Variants in PCDHA2 observed in about 807,000 individuals in gnomAD.
PCDHA2 encodes protocadherin alpha 2, also known as protocadherin alpha-2.
Under a neutral mutation model 66.0 loss-of-function variants are expected in PCDHA2, and 58 were observed. That is an observed-to-expected ratio of 0.88 (90% CI 0.71 to 1.09). The LOEUF is 1.09. PCDHA2 is among the 50% of genes least tolerant of loss of function. The pLI, the probability that PCDHA2 is intolerant of heterozygous loss-of-function variation, is 0.00. For synonymous variants in PCDHA2, 634 were observed against 554.0 expected (o/e 1.14, Z -2.03); for missense variants, 1,267 against 1,242.3 (o/e 1.02, Z -0.30).
chr5:140,849,155 C>G (rs1169680334), intron 1 of PCDHA2: 5 of 1,223,436 alleles, frequency 4.1e-6, no homozygotes, highest in Non-Finnish European at 4.5e-6. Context: ...GAGGCAAACC[C>G]GAGCTGACTG....
intron 1 of PCDHA2, chr5:140,862,369 C>G: frequency 2.9e-6 from 1 of 341,442 alleles, no homozygotes; most frequent in South Asian, 2.3e-5. Flanking sequence ...CGACCCGCAC[C>G]CTGACTCCTC....
intron 1 of PCDHA2, chr5:140,829,099 T>C (rs1554131748): frequency 2.5e-6 from 4 of 1,611,442 alleles, no homozygotes; most frequent in Non-Finnish European, 3.4e-6. Context: ...ATTGCACCGT[T>C]TTAGTGAGAA....
At chr5:140,798,664 C>A (rs182647763) in intron 1 of PCDHA2, among the ~76,000 whole-genome samples, 4 of 152,162 alleles carry the variant, frequency 2.6e-5, no homozygotes, top group African/African-American at 9.7e-5. Context: ...TGGAAGCATC[C>A]ATATTCCTAA....
At chr5:140,933,692 C>T (rs2089349269) in intron 1 of PCDHA2, among the ~76,000 whole-genome samples, 1 of 151,798 alleles carries the variant, frequency 6.6e-6, no homozygotes, top group African/African-American at 2.4e-5. Context: ...TTTCCTATTC[C>T]TCGGACACAT....
At position 140,901,836 on chromosome 5, in the gene PCDHA2, G is replaced by A. The variant is rs183480993; in HGVS notation, c.2389-77113G>A. On this transcript the variant is annotated intron_variant, in intron 1 of 3. Coordinates refer to ENST00000526136, the MANE Select transcript of PCDHA2 (RefSeq NM_018905.3). The stretch of plus-strand genomic sequence containing the variant: ...ATTGATTCTTCCAGTCCATAAACAT[G>A]CAATATCTTTCCATTTTTTTGTGTC... 2.6e-3 allele frequency among the ~76,000 whole-genome samples: 395 copies of A among 152,228 alleles called. 2 individuals carry two copies. The highest frequency in any genetic ancestry group is 9.2e-3 in the African/African-American group (384 of 41,554).
rs1554124059 is a variant in PCDHA2 at position 140,807,509 on chromosome 5, G to T, written c.2388+10157G>T. ...CGCGGAGTGCAGCATCCACCTGGAG[G>T]TGATCGTAGACAGGCCGCTGCAGGT... On this transcript the variant is annotated intron_variant, in intron 1 of 3. Transcript: ENST00000526136. 2.5e-6 allele frequency: 4 copies of T among 1,613,908 alleles called. No homozygotes were observed. The Admixed American group carries it at 5.0e-5, about 20-fold the overall frequency.
At position 141,010,104 on chromosome 5, in the gene PCDHA2, T is replaced by G; in HGVS notation, c.*167T>G. ...TGTCTAGAACGCATTTAACAGGTTTTGTCGTAAAAGCTTTACTAAGTCTGG... is the reference window on the plus strand; with the variant it reads ...TGTCTAGAACGCATTTAACAGGTTTGGTCGTAAAAGCTTTACTAAGTCTGG... On this transcript the variant is annotated 3_prime_UTR_variant, in exon 4 of 4. Coordinates refer to ENST00000526136, the MANE Select transcript of PCDHA2 (RefSeq NM_018905.3). 1 of 1,612,408 alleles carries G rather than the reference T, an allele frequency of 6.2e-7. No individual in the cohort carries two copies. Among genetic ancestry groups the G allele is most frequent in the Non-Finnish European group, 8.5e-7 (1 of 1,179,092 alleles).
intron 1 of PCDHA2, chr5:140,857,669 G>T (rs926570494): frequency 5.0e-6 from 8 of 1,596,800 alleles, no homozygotes; most frequent in East Asian, 2.2e-5. Flanking sequence ...CGATGGGGGC[G>T]TGCCGCCTCT....
intron 1 of PCDHA2, chr5:140,825,453 A>G (rs1562282802): frequency 2.0e-5 from 3 of 148,792 alleles, no homozygotes; most frequent in Admixed American, 1.4e-4. Flanking sequence ...TATATATCAG[A>G]TATTTTGATA....
chr5:140,864,404 G>A (rs2048464520), intron 1 of PCDHA2: 1 of 152,228 alleles, frequency 6.6e-6, no homozygotes. Flanking sequence ...GTGATGAGCA[G>A]GGTTGAGGCA....
intron 1 of PCDHA2, among the ~76,000 whole-genome samples, chr5:140,898,648 G>A (rs1436511217): frequency 6.6e-6 from 1 of 152,136 alleles, no homozygotes; most frequent in Non-Finnish European, 1.5e-5. Flanking sequence ...TGTTCTTTTG[G>A]CTTAGGATTG....
chr5:140,884,403 T>C, intron 1 of PCDHA2: 1 of 1,613,992 alleles, frequency 6.2e-7, no homozygotes, highest in African/African-American at 1.3e-5. Context: ...AGCCTGTTGG[T>C]GCTCACGTTG....
chr5:140,822,359 T>G (rs2150115759), intron 1 of PCDHA2: 1 of 1,614,160 alleles, frequency 6.2e-7, no homozygotes, highest in Non-Finnish European at 8.5e-7. Flanking sequence ...GAGCTGGTTT[T>G]GAGGAAATCC....
chr5:140,828,403 C>T (rs2150154987), intron 1 of PCDHA2: 1 of 1,614,256 alleles, frequency 6.2e-7, no homozygotes, highest in South Asian at 1.1e-5. Flanking sequence ...AGTGCAGCAT[C>T]CACCTGGAGG....
At chr5:140,926,879 C>T (rs1554203752) in intron 1 of PCDHA2, 1 of 1,534,362 alleles carries the variant, frequency 6.5e-7, no homozygotes, top group African/African-American at 1.4e-5. Context: ...GGAACGTGGA[C>T]GCCTAGAGGG....
At chr5:140,857,029 A>C in intron 1 of PCDHA2, 1 of 1,596,504 alleles carries the variant, frequency 6.3e-7, no homozygotes, top group South Asian at 1.1e-5. Flanking sequence ...AGGGAAACCC[A>C]CCTATGGTTG....
At chr5:140,833,869 A>G (rs1554133991) in intron 1 of PCDHA2, among the ~76,000 whole-genome samples, 4 of 152,220 alleles carry the variant, frequency 2.6e-5, no homozygotes, top group Non-Finnish European at 5.9e-5. Flanking sequence ...AATCAAGAAT[A>G]TGAAGTTTCC....
rs1231987544 is a variant in PCDHA2 at position 140,807,292 on chromosome 5, C to G, written c.2388+9940C>G. The G allele has an allele frequency of 1.9e-6, 3 of 1,614,116 alleles. No homozygotes were observed. In the East Asian group the frequency reaches 6.7e-5, roughly 36 times the overall value. On this transcript the variant is annotated intron_variant, in intron 1 of 3. Transcript: ENST00000526136. Reference sequence around the variant, plus strand: ...GGAACGGTCAGCTCCACTACTCGGTCTCCGAGGAGGCCAAACACGGCACCT... The same window carrying G: ...GGAACGGTCAGCTCCACTACTCGGTGTCCGAGGAGGCCAAACACGGCACCT...
chr5:140,806,509 A>C (rs1287650041), intron 1 of PCDHA2, among the ~76,000 whole-genome samples: 1 of 152,184 alleles, frequency 6.6e-6, no homozygotes, highest in Non-Finnish European at 1.5e-5. Flanking sequence ...GAAGACATCT[A>C]ATTAAATGCT....
Sources: allele counts gnomAD v4.1 joint callset (sites outside exome capture counted in the v4.1 genomes callset), GRCh38; gene constraint gnomAD v4.1.1; transcripts MANE v1.5; gene names NCBI Gene and HGNC (gene_info 2026-07-23, HGNC 2026-07-21).